The following NAV3 variants were observed in gnomAD, a reference collection of about 807,000 sequenced individuals.
NAV3 encodes pore membrane and/or filament interacting like protein 1.
NAV3 carries 87 observed loss-of-function variants against 244.7 expected under a neutral mutation model. The observed-to-expected ratio is 0.36, with a 90% CI of 0.30 to 0.42. The LOEUF is 0.42. Ranked by LOEUF, NAV3 falls within the 20% of genes least tolerant of loss-of-function variation. NAV3 has a pLI of 1.00. For missense variants in NAV3, 2,663 were observed against 2,893.3 expected, an observed-to-expected ratio of 0.92 and a Z score of 1.83; for synonymous variants, 1,126 against 1,042.2, an observed-to-expected ratio of 1.08 and a Z score of -1.55.
At chr12:77,731,936 G>A (rs1025141004) in intron 2 of NAV3, among the ~76,000 whole-genome samples, 2 of 151,890 alleles carry the variant, frequency 1.3e-5, no homozygotes, top group African/African-American at 4.8e-5. Flanking sequence ...ACTACATTTA[G>A]CATTGAGGGG....
rs140843967 is a variant in NAV3, at chr12:77,780,068, G to C, written c.73-160251G>C. 1.2e-3 allele frequency among the ~76,000 whole-genome samples: 180 copies of C among 152,016 alleles called. 1 individual carries two copies. Among genetic ancestry groups the C allele is most frequent in the African/African-American group, 4.1e-3 (171 of 41,450 alleles). ...TTTTTCTTTTTTCTATCTTATTTCA[G>C]TTTCTACTTAGTGAATTTCTAGATT... On this transcript the variant is annotated intron_variant, in intron 2 of 8. Transcript: ENST00000550042.
At chr12:77,670,445 C>T (rs1361669427) in intron 2 of NAV3, among the ~76,000 whole-genome samples, 1 of 151,968 alleles carries the variant, frequency 6.6e-6, no homozygotes, top group African/African-American at 2.4e-5. Flanking sequence ...TTTATGAAGC[C>T]AGTATCACTC....
chr12:78,156,666 C>A (rs559597592), intron 22 of NAV3, among the ~76,000 whole-genome samples: 18 of 152,102 alleles, frequency 1.2e-4, no homozygotes, highest in African/African-American at 3.9e-4. Context: ...TGAGTAAAAT[C>A]TTACATTTCA....
chr12:77,621,533 T>A (rs982357577), intron 2 of NAV3, among the ~76,000 whole-genome samples: 1 of 148,890 alleles, frequency 6.7e-6, no homozygotes, highest in African/African-American at 2.5e-5. Flanking sequence ...CAGGCTGGAA[T>A]ACAGTGGTGT....
At chr12:77,845,717 G>T (rs922593929) in intron 1 of NAV3, among the ~76,000 whole-genome samples, 1 of 144,982 alleles carries the variant, frequency 6.9e-6, no homozygotes, top group African/African-American at 2.6e-5. Flanking sequence ...GCAATGTCAC[G>T]ATCTTGGCTC....
At chr12:77,767,962 G>C (rs1045843965) in intron 2 of NAV3, among the ~76,000 whole-genome samples, 3 of 152,230 alleles carry the variant, frequency 2.0e-5, no homozygotes, top group African/African-American at 7.2e-5. Flanking sequence ...CAACTGGAGG[G>C]TGAGCAAGGT....
intron 4 of NAV3, 23 bp downstream of exon 4, chr12:77,966,324 T>C (rs1892509785): frequency 6.4e-7 from 1 of 1,563,354 alleles, no homozygotes; most frequent in Non-Finnish European, 8.8e-7. Context: ...ATGACTGAAT[T>C]GTCACAAATG....
intron 18 of NAV3, among the ~76,000 whole-genome samples, chr12:78,131,586 G>A (rs1401423727): frequency 2.0e-5 from 3 of 152,056 alleles, no homozygotes; most frequent in Admixed American, 6.6e-5. Context: ...ATTAATTGAC[G>A]TTAATTTGAT....
chr12:77,714,625 T>C (rs990831035), intron 2 of NAV3, among the ~76,000 whole-genome samples: 1 of 152,176 alleles, frequency 6.6e-6, no homozygotes, highest in Non-Finnish European at 1.5e-5. Context: ...TTAAAATGTA[T>C]TAGACTTCAT....
At chr12:77,919,784 A>G (rs1428979547) in intron 1 of NAV3, among the ~76,000 whole-genome samples, 1 of 152,078 alleles carries the variant, frequency 6.6e-6, no homozygotes, top group Non-Finnish European at 1.5e-5. Flanking sequence ...CCCTTTGCTT[A>G]ATAGTTGATC....
intron 2 of NAV3, among the ~76,000 whole-genome samples, chr12:77,581,873 A>G (rs1187310838): frequency 4.6e-5 from 7 of 152,216 alleles, no homozygotes; most frequent in African/African-American, 1.7e-4. Flanking sequence ...TAAAACTACC[A>G]TGTTAACTGC....
chr12:78,129,461 A>T (rs1356379932), intron 18 of NAV3, among the ~76,000 whole-genome samples: 1 of 152,310 alleles, frequency 6.6e-6, no homozygotes, highest in East Asian at 1.9e-4. Context: ...TCAAATAGAT[A>T]CAATGAAAAA....
At chr12:77,936,460 C>T (rs1468335541) in intron 1 of NAV3, among the ~76,000 whole-genome samples, 1 of 152,002 alleles carries the variant, frequency 6.6e-6, no homozygotes, top group Non-Finnish European at 1.5e-5. Flanking sequence ...AAGCTTTAGC[C>T]AGAACATTCA....
At chr12:78,004,445 A>T (rs1484254576) in intron 7 of NAV3, among the ~76,000 whole-genome samples, 1 of 152,214 alleles carries the variant, frequency 6.6e-6, no homozygotes, top group Admixed American at 6.5e-5. Flanking sequence ...AATGCAAGAT[A>T]CAAATCCATT....
rs114877015 is a variant in NAV3 at position 77,804,924 on chromosome 12, C to T, written c.73-135395C>T. On this transcript the variant is annotated intron_variant, in intron 2 of 8. Coordinates refer to the NAV3 transcript ENST00000550042. The stretch of plus-strand genomic sequence containing the variant: ...GTTATATTCCTAGGTATTTTATTCT[C>T]TTTGTGAATTGTGAATAGGATTCAC... Among the ~76,000 whole-genome samples, 57 of 152,116 alleles carry T rather than the reference C, an allele frequency of 3.7e-4. No individual in the cohort carries two copies. The East Asian group carries it at 4.5e-3, about 12-fold the overall frequency.
chr12:78,101,062 G>A (rs1052668120), intron 12 of NAV3, among the ~76,000 whole-genome samples: 28 of 152,218 alleles, frequency 1.8e-4, no homozygotes, highest in African/African-American at 6.3e-4. Context: ...GCAATTTGGA[G>A]TGTTAGAATG....
chr12:77,655,639 C>T (rs1873061824), intron 2 of NAV3, among the ~76,000 whole-genome samples: 1 of 151,904 alleles, frequency 6.6e-6, no homozygotes, highest in Non-Finnish European at 1.5e-5. Context: ...AGAGCAACTC[C>T]AAGACACATA....
At chr12:78,089,039 C>T (rs764237729) in intron 12 of NAV3, among the ~76,000 whole-genome samples, 47 of 152,170 alleles carry the variant, frequency 3.1e-4, no homozygotes, top group Non-Finnish European at 5.7e-4. Context: ...CTATTCTCCA[C>T]ATGTGAAATC....
intron 2 of NAV3, among the ~76,000 whole-genome samples, chr12:77,763,223 C>T (rs1282682741): frequency 7.2e-5 from 11 of 152,058 alleles, no homozygotes; most frequent in Non-Finnish European, 1.5e-4. Context: ...ATATTGGTCC[C>T]TTAACCATAC....
Sources: gnomAD v4.1 joint callset for allele counts (sites outside exome capture counted in the v4.1 genomes callset) on GRCh38, gnomAD v4.1.1 for gene constraint, MANE v1.5 for transcripts, NCBI Gene and HGNC (gene_info 2026-07-23, HGNC 2026-07-21) for gene names.